Variants in FRMD6 observed in about 807,000 individuals in gnomAD.
FRMD6 encodes the protein FERM domain containing 6.
FRMD6 carries 37 observed loss-of-function variants against 73.2 expected under a neutral mutation model. That is an observed-to-expected ratio of 0.51 (90% confidence interval 0.39 to 0.66). The LOEUF is 0.66. Ranked by LOEUF, FRMD6 falls within the 30% of genes least tolerant of loss-of-function variation. The pLI, the probability that FRMD6 is intolerant of heterozygous loss-of-function variation, is 0.00. For missense variants in FRMD6, 714 were observed against 780.5 expected (o/e 0.91, Z 1.02); for synonymous variants, 273 against 282.2 (o/e 0.97, Z 0.33).
At position 51,720,094 on chromosome 14, in the gene FRMD6, T is replaced by C. The variant is rs202176029; in HGVS notation, c.1064T>C (p.Leu355Pro). ...QYRESYISDN[L>P]DLDMDQLEKR... ...CGGGAATCTTACATCAGTGACAACC[T>C]GGACCTCGACATGGACCAGCTGGAA... The change falls in exon 11 of 14, where the codon CTG becomes CCG. Residue 355 changes from leucine to proline, a missense_variant. By Grantham distance (98) the Leu-to-Pro change is moderately conservative. Transcript: ENST00000344768. 8.7e-5 allele frequency: 140 copies of C among 1,613,494 alleles called. No individual in the cohort carries two copies. In the Middle Eastern group the frequency reaches 2.0e-3, roughly 23 times the overall value.
intron 2 of FRMD6, among the ~76,000 whole-genome samples, chr14:51,599,435 A>T (rs1269441398): frequency 1.3e-5 from 2 of 152,176 alleles, no homozygotes; most frequent in Non-Finnish European, 2.9e-5. Flanking sequence ...GACCTTGGGA[A>T]AGAATTTATG....
At chr14:51,605,581 G>A (rs1890225882) in intron 2 of FRMD6, among the ~76,000 whole-genome samples, 1 of 152,098 alleles carries the variant, frequency 6.6e-6, no homozygotes, top group African/African-American at 2.4e-5. Flanking sequence ...TGTCCCTCGT[G>A]AAAATGCTGA....
chr14:51,628,016 T>A (rs1423464128), intron 2 of FRMD6, among the ~76,000 whole-genome samples: 2 of 152,244 alleles, frequency 1.3e-5, no homozygotes, highest in Non-Finnish European at 2.9e-5. Flanking sequence ...ATAAATGTTA[T>A]GTAAGTAGTT....
intron 1 of FRMD6, among the ~76,000 whole-genome samples, chr14:51,681,531 C>T (rs1273614559): frequency 6.6e-6 from 1 of 152,116 alleles, no homozygotes; most frequent in African/African-American, 2.4e-5. Context: ...CAAGGGTACC[C>T]AGGTGGGAAG....
chr14:51,626,881 C>T (rs953247763), intron 2 of FRMD6, among the ~76,000 whole-genome samples: 18 of 152,246 alleles, frequency 1.2e-4, no homozygotes, highest in African/African-American at 4.3e-4. Context: ...TAATTATTAG[C>T]TATAATTTGT....
intron 1 of FRMD6, among the ~76,000 whole-genome samples, chr14:51,535,471 G>A (rs964402035): frequency 6.6e-6 from 1 of 152,124 alleles, no homozygotes; most frequent in African/African-American, 2.4e-5. Context: ...TATGGACATG[G>A]AATATGTATA....
chr14:51,695,038 A>G (rs966378654), intron 2 of FRMD6, among the ~76,000 whole-genome samples: 2 of 151,816 alleles, frequency 1.3e-5, no homozygotes, highest in African/African-American at 4.9e-5. Context: ...TATGGGCTGC[A>G]TGGAGGAAAT....
chr14:51,474,909 A>G, the FRMD6 span, among the ~76,000 whole-genome samples: 2 of 152,350 alleles, frequency 1.3e-5, no homozygotes, highest in East Asian at 3.9e-4. Context: ...GTTCAGCCAT[A>G]GAGCCATGTT....
At chr14:51,406,056 A>T in the FRMD6 span, among the ~76,000 whole-genome samples, 1 of 152,126 alleles carries the variant, frequency 6.6e-6, no homozygotes, top group Non-Finnish European at 1.5e-5. Flanking sequence ...GCATATGGCT[A>T]GTGAGTTATC....
chr14:51,460,205 A>C, the FRMD6 span, among the ~76,000 whole-genome samples: 3 of 152,200 alleles, frequency 2.0e-5, no homozygotes, highest in Non-Finnish European at 4.4e-5. Flanking sequence ...TGTATTAGAA[A>C]TACATTAAAT....
At chr14:51,492,311 C>G (rs1883056131) in intron 1 of FRMD6, among the ~76,000 whole-genome samples, 1 of 152,126 alleles carries the variant, frequency 6.6e-6, no homozygotes, top group Non-Finnish European at 1.5e-5. Flanking sequence ...CTACAATTAA[C>G]CAGTCTTGTG....
At chr14:51,517,859 T>G (rs573005580) in intron 1 of FRMD6, among the ~76,000 whole-genome samples, 1 of 130,622 alleles carries the variant, frequency 7.7e-6, no homozygotes, top group South Asian at 2.5e-4. Flanking sequence ...CTAGGAAGCT[T>G]GAACGGGGGT....
intron 1 of FRMD6, among the ~76,000 whole-genome samples, chr14:51,681,285 A>T (rs1894776715): frequency 6.6e-6 from 1 of 152,232 alleles, no homozygotes; most frequent in African/African-American, 2.4e-5. Context: ...TTTAGATTTC[A>T]AGATATGATA....
intron 1 of FRMD6, among the ~76,000 whole-genome samples, chr14:51,553,463 G>A (rs188359403): frequency 3.3e-4 from 51 of 152,262 alleles, no homozygotes; most frequent in Middle Eastern, 6.8e-3. Flanking sequence ...GAAATGGGTA[G>A]TTAGTCATAT....
At chr14:51,550,580 A>ACCCC (rs149360752) in intron 1 of FRMD6, among the ~76,000 whole-genome samples, 131 of 148,074 alleles carry the variant, frequency 8.8e-4, no homozygotes, top group Non-Finnish European at 1.3e-3. Flanking sequence ...TTGGGAGGAG[A>ACCCC]CCCCCCCGCC....
At chr14:51,699,987 T>G (rs1050599465) in intron 3 of FRMD6, among the ~76,000 whole-genome samples, 2 of 151,980 alleles carry the variant, frequency 1.3e-5, no homozygotes, top group African/African-American at 4.8e-5. Context: ...TTAAAATTGG[T>G]TAACTTAATG....
chr14:51,472,326 C>T, the FRMD6 span, among the ~76,000 whole-genome samples: 226 of 151,970 alleles, frequency 1.5e-3, 3 homozygotes, highest in East Asian at 0.011. Flanking sequence ...TTTTTTGAGA[C>T]GGAGTCTCTC....
chr14:51,642,813 C>T (rs1315154790), intron 2 of FRMD6, among the ~76,000 whole-genome samples: 2 of 152,126 alleles, frequency 1.3e-5, no homozygotes, highest in Admixed American at 6.5e-5. Context: ...TTACCTGTGT[C>T]CCTAAGACCT....
chr14:51,424,432 A>C, the FRMD6 span, among the ~76,000 whole-genome samples: 2 of 152,244 alleles, frequency 1.3e-5, no homozygotes, highest in African/African-American at 4.8e-5. Flanking sequence ...CATATCGTTG[A>C]TCTTCATTGT....
Sources: gnomAD v4.1 joint callset for allele counts (sites outside exome capture counted in the v4.1 genomes callset) on GRCh38, gnomAD v4.1.1 for gene constraint, MANE v1.5 for transcripts, NCBI Gene and HGNC (gene_info 2026-07-23, HGNC 2026-07-21) for gene names.